Variants in CRCP observed in about 807,000 individuals in gnomAD.
CRCP encodes DNA-directed RNA polymerase III subunit RPC9.
In CRCP, 18 loss-of-function variants were observed where a neutral mutation model predicts 18.5. The observed-to-expected ratio is 0.97, with a 90% CI of 0.67 to 1.44. The LOEUF is 1.44. Ranked by LOEUF, CRCP falls within the 40% of genes most tolerant of loss-of-function variation. CRCP has a pLI of 0.00. For missense variants in CRCP, 130 were observed against 176.4 expected (o/e 0.74, Z 1.49); for synonymous variants, 53 against 62.9 (o/e 0.84, Z 0.75).
In CRCP at chr7:66,152,556, G is replaced by A. The variant is rs922052143; in HGVS notation, c.*199G>A. ...AAGAAACATGGTGAAAACAGGCTGA[G>A]GTTGTCAGGGCAGAGAGCTGAAGGT... On this transcript the variant is annotated 3_prime_UTR_variant, in exon 6 of 6. Coordinates refer to ENST00000395326, the MANE Select transcript of CRCP (RefSeq NM_014478.5). 8.5e-6 allele frequency: 5 copies of A among 591,702 alleles called. No individual in the cohort carries two copies. The African/African-American group carries it at 9.3e-5, about 11-fold the overall frequency. The allele number at this position is 591,702 out of a possible 1,614,324, so 36.7% of individuals were successfully genotyped here.
chr7:66,134,298 A>G lies in CRCP; in HGVS notation c.163A>G (p.Lys55Glu), dbSNP rs1294398107. Residue 55 changes from lysine (K) to glutamate (E), a missense_variant, in exon 4 of 6, where the codon AAA (lysine) becomes GAA (glutamate). Physicochemically the swap from Lys to Glu is moderately conservative, Grantham distance 56. Transcript: ENST00000395326. ...ITYETLKYIS[K>E]TPCRHQSPEI... ...TTGCCAGACGTTAAAATACATATCA[A>G]AAACACCATGCAGGCACCAGAGTCC... 3.1e-6 allele frequency: 5 copies of G among 1,605,978 alleles called. No individual in the cohort carries two copies. Among genetic ancestry groups the G allele is most frequent in the Admixed American group, 1.7e-5 (1 of 57,800 alleles).
In CRCP at chr7:66,130,730, G is replaced by A. The variant is rs780226317; in HGVS notation, c.46-14G>A. The A allele has an allele frequency of 6.7e-7, 1 of 1,497,450 alleles. No individual in the cohort carries two copies. 92.8% of individuals were successfully genotyped at this position (1,497,450 alleles called of 1,614,324 possible). A position where few individuals can be genotyped will look rare whatever the true frequency, so the allele number is the denominator to read the frequency against. ...AAATTTATTCATAAACGTCTTTTTT[G>A]TATCTCCTCCTAGGTATTTCAGTTA... On this transcript the variant is annotated splice_polypyrimidine_tract_variant and intron_variant, in intron 2 of 5. Transcript: ENST00000395326.
In CRCP at chr7:66,120,056, C is replaced by T. The variant is rs1032816283; in HGVS notation, c.8+5086C>T. Among the ~76,000 whole-genome samples, 8 of 151,922 alleles carry T rather than the reference C, an allele frequency of 5.3e-5. No homozygotes were observed. In the South Asian group the frequency reaches 1.7e-3, roughly 32 times the overall value. On this transcript the variant is annotated intron_variant, in intron 1 of 5. Coordinates refer to ENST00000395326, the MANE Select transcript of CRCP (RefSeq NM_014478.5). ...AATTAGCTGGGCGCTGTGGCGGGCGCCCGTAGTCCCAGCTACTATCGGGAG... is the reference window on the plus strand; with the variant it reads ...AATTAGCTGGGCGCTGTGGCGGGCGTCCGTAGTCCCAGCTACTATCGGGAG...
At chr7:66,120,027 A>C (rs1787388341) in intron 1 of CRCP, among the ~76,000 whole-genome samples, 1 of 151,972 alleles carries the variant, frequency 6.6e-6, no homozygotes, top group Non-Finnish European at 1.5e-5. Context: ...CTAAAAATAG[A>C]AAAAATTAGC....
intron 4 of CRCP, among the ~76,000 whole-genome samples, chr7:66,143,852 G>C (rs62465476): frequency 0.036 from 5,495 of 152,242 alleles, 154 homozygotes; most frequent in East Asian, 0.075. Flanking sequence ...AAATGGTAGT[G>C]GCGGCCTCTG....
At chr7:66,133,191 C>T (rs1249950362) in intron 3 of CRCP, among the ~76,000 whole-genome samples, 1 of 151,962 alleles carries the variant, frequency 6.6e-6, no homozygotes, top group Non-Finnish European at 1.5e-5. Context: ...GGTACAATTG[C>T]CTAAGAGTGA....
In CRCP at chr7:66,152,345, G is replaced by A. The variant is rs1231281662; in HGVS notation, c.435G>A (p.Glu145=). 4.3e-6 allele frequency: 7 copies of A among 1,614,074 alleles called. No homozygotes were observed. In the South Asian group the frequency reaches 7.7e-5, roughly 18 times the overall value. Reference sequence around the variant, plus strand: ...ACAGCAATGTGGCAATGGACGAAGAGGACCCAGCATAGAAGAGCACAGCTG... The same window carrying A: ...ACAGCAATGTGGCAATGGACGAAGAAGACCCAGCATAGAAGAGCACAGCTG... ...NTNSNVAMDE[E]DPA The change falls in exon 6 of 6, where the codon GAG becomes GAA. Residue 145 remains glutamate, a synonymous_variant. Transcript: ENST00000395326.
chr7:66,142,042 G>A (rs1363658858), intron 4 of CRCP, among the ~76,000 whole-genome samples: 7 of 151,932 alleles, frequency 4.6e-5, no homozygotes, highest in Non-Finnish European at 2.9e-5. Flanking sequence ...TGGTCATCTC[G>A]TTACCTATCC....
At chr7:66,136,837 T>C (rs1363675033) in intron 4 of CRCP, among the ~76,000 whole-genome samples, 2 of 151,140 alleles carry the variant, frequency 1.3e-5, no homozygotes, top group Admixed American at 1.3e-4. Flanking sequence ...CCCAGCACTT[T>C]GGGAGGCTGA....
intron 5 of CRCP, 79 bp downstream of exon 5, chr7:66,145,579 T>C: frequency 6.7e-7 from 1 of 1,502,538 alleles, no homozygotes; most frequent in Non-Finnish European, 9.2e-7. Context: ...AGCCAGGAAC[T>C]GCGTTTTTTT....
At chr7:66,124,399 G>A (rs551410673) in intron 1 of CRCP, among the ~76,000 whole-genome samples, 4 of 152,140 alleles carry the variant, frequency 2.6e-5, no homozygotes, top group South Asian at 4.2e-4. Flanking sequence ...ACAAATACCT[G>A]TATACGCGTT....
chr7:66,151,433 G>T (rs1337793192), intron 5 of CRCP, among the ~76,000 whole-genome samples: 1 of 152,072 alleles, frequency 6.6e-6, no homozygotes, highest in Non-Finnish European at 1.5e-5. Context: ...ACTGTCTGTG[G>T]TGGCTCGTGC....
chr7:66,117,186 A>C (rs1787295103), intron 1 of CRCP, among the ~76,000 whole-genome samples: 1 of 151,638 alleles, frequency 6.6e-6, no homozygotes, highest in African/African-American at 2.4e-5. Context: ...TCTGGCCTCA[A>C]CTTTCTTGAT....
chr7:66,129,260 G>A (rs535639270), intron 2 of CRCP, among the ~76,000 whole-genome samples: 1 of 152,178 alleles, frequency 6.6e-6, no homozygotes, highest in Non-Finnish European at 1.5e-5. Context: ...GTGAACCCGG[G>A]GGGTGGAGCC....
At chr7:66,116,911 A>G (rs1257510655) in intron 1 of CRCP, among the ~76,000 whole-genome samples, 2 of 152,076 alleles carry the variant, frequency 1.3e-5, no homozygotes. Flanking sequence ...CCCTGAGGTC[A>G]GGAGTTTGAG....
At chr7:66,141,861 C>T (rs537589221) in intron 4 of CRCP, among the ~76,000 whole-genome samples, 2 of 152,086 alleles carry the variant, frequency 1.3e-5, no homozygotes, top group East Asian at 1.9e-4. Context: ...AATGTTTGTG[C>T]GCTGACCCCC....
intron 2 of CRCP, among the ~76,000 whole-genome samples, chr7:66,129,933 AT>A (rs1787741961): frequency 6.6e-6 from 1 of 152,044 alleles, no homozygotes; most frequent in African/African-American, 2.4e-5. Context: ...CCCAGCACTA[AT>A]ACATGTATGT....
At chr7:66,121,559 G>A (rs535160154) in intron 1 of CRCP, among the ~76,000 whole-genome samples, 24 of 151,064 alleles carry the variant, frequency 1.6e-4, no homozygotes, top group East Asian at 1.4e-3. Context: ...TCCTGGATTC[G>A]AGCGATTCTT....
chr7:66,123,711 G>T (rs1787520752), intron 1 of CRCP, among the ~76,000 whole-genome samples: 2 of 149,338 alleles, frequency 1.3e-5, no homozygotes, highest in Admixed American at 6.7e-5. Context: ...TCATGCCATT[G>T]CACTCCAGCC....
Sources: gnomAD v4.1 joint callset for allele counts (sites outside exome capture counted in the v4.1 genomes callset) on GRCh38, gnomAD v4.1.1 for gene constraint, MANE v1.5 for transcripts, NCBI Gene and HGNC (gene_info 2026-07-23, HGNC 2026-07-21) for gene names.